Variants in CSMD1 observed in about 807,000 individuals in gnomAD.
CSMD1 encodes CUB and sushi domain-containing protein 1.
Under a neutral mutation model 417.5 loss-of-function variants are expected in CSMD1, and 213 were observed. The ratio of observed to expected loss-of-function variants is 0.51; its 90% CI spans 0.46 to 0.57. CSMD1 has a LOEUF of 0.57. Among genes scored for constraint, CSMD1 ranks in the 20% least tolerant of loss-of-function variants. CSMD1 has a pLI of 0.00. For missense variants in CSMD1, 6,923 were observed against 4,529.7 expected (o/e 1.53, Z -15.17); for synonymous variants, 2,862 against 1,736.8 (o/e 1.65, Z -16.11).
At chr8:4,795,059 G>C (rs1216576057) in intron 1 of CSMD1, among the ~76,000 whole-genome samples, 2 of 151,850 alleles carry the variant, frequency 1.3e-5, no homozygotes, top group African/African-American at 4.8e-5. Flanking sequence ...TTAAGTTTCT[G>C]CTGTCTTTAA....
intron 3 of CSMD1, among the ~76,000 whole-genome samples, chr8:4,058,951 A>G (rs969937128): frequency 6.6e-6 from 1 of 152,044 alleles, no homozygotes; most frequent in Non-Finnish European, 1.5e-5. Flanking sequence ...CCTAACAGAC[A>G]TCTACAGAAC....
intron 2 of CSMD1, among the ~76,000 whole-genome samples, chr8:4,564,817 T>C (rs1044090456): frequency 6.6e-6 from 1 of 152,256 alleles, no homozygotes; most frequent in African/African-American, 2.4e-5. Context: ...TTTAGCTTTT[T>C]CACTCACTGT....
chr8:3,721,162 G>C lies in CSMD1; in HGVS notation c.932-12671C>G, dbSNP rs150772484. Among the ~76,000 whole-genome samples the C allele has an allele frequency of 1.2e-3, 184 of 152,156 alleles. 1 individual carries two copies. Among genetic ancestry groups the C allele is most frequent in the Non-Finnish European group, 1.9e-3 (132 of 67,990 alleles). The stretch of plus-strand genomic sequence containing the variant: ...CATAATGGGAAGATCAGGTGGTCCT[G>C]AAACACCATTTTTTTTTCTCCAGCC... On this transcript the variant is annotated intron_variant, in intron 6 of 69. Transcript: ENST00000635120.
At chr8:3,089,412 G>C (rs1585319528) in intron 48 of CSMD1, among the ~76,000 whole-genome samples, 1 of 152,358 alleles carries the variant, frequency 6.6e-6, no homozygotes, top group South Asian at 2.1e-4. Flanking sequence ...GAATTGTCCA[G>C]AACCACTGTT....
At chr8:3,195,477 A>G (rs1179409645) in intron 33 of CSMD1, among the ~76,000 whole-genome samples, 1 of 152,236 alleles carries the variant, frequency 6.6e-6, no homozygotes, top group African/African-American at 2.4e-5. Flanking sequence ...ATCCTGGAAG[A>G]AGCAGACTGT....
chr8:4,192,634 T>A (rs1023016832), intron 3 of CSMD1, among the ~76,000 whole-genome samples: 5 of 152,214 alleles, frequency 3.3e-5, no homozygotes, highest in Admixed American at 2.0e-4. Flanking sequence ...AGAGGGCATA[T>A]TTGCTCAGGG....
intron 2 of CSMD1, among the ~76,000 whole-genome samples, chr8:4,422,374 T>C (rs568078990): frequency 6.6e-6 from 1 of 152,034 alleles, no homozygotes; most frequent in Non-Finnish European, 1.5e-5. Context: ...CCAACATAAC[T>C]AGATTTGGAA....
At chr8:4,426,348 T>A (rs1010673495) in intron 2 of CSMD1, among the ~76,000 whole-genome samples, 1 of 150,624 alleles carries the variant, frequency 6.6e-6, no homozygotes, top group Non-Finnish European at 1.5e-5. Context: ...TAGCATATAA[T>A]TTTGAAAATC....
chr8:3,465,320 G>C (rs1013650790), intron 12 of CSMD1, among the ~76,000 whole-genome samples: 3 of 152,286 alleles, frequency 2.0e-5, no homozygotes, highest in Admixed American at 6.5e-5. Context: ...CAGGCATCTT[G>C]AGGGGATGGA....
chr8:3,630,440 T>C (rs940728944), intron 7 of CSMD1, among the ~76,000 whole-genome samples: 1 of 152,128 alleles, frequency 6.6e-6, no homozygotes, highest in Admixed American at 6.5e-5. Flanking sequence ...CCACTGAAAC[T>C]TGAGAACAAG....
At chr8:3,382,351 T>C (rs907742287) in intron 18 of CSMD1, among the ~76,000 whole-genome samples, 4 of 146,528 alleles carry the variant, frequency 2.7e-5, no homozygotes, top group Non-Finnish European at 6.0e-5. Flanking sequence ...TATATATGTA[T>C]ATTTATTATT....
chr8:3,585,337 G>A (rs1287118353), intron 9 of CSMD1, among the ~76,000 whole-genome samples: 4 of 152,230 alleles, frequency 2.6e-5, no homozygotes, highest in East Asian at 1.9e-4. Context: ...GAAAGATAAG[G>A]TATTCTTACA....
intron 3 of CSMD1, among the ~76,000 whole-genome samples, chr8:4,051,710 G>C (rs1798432393): frequency 6.6e-6 from 1 of 152,058 alleles, no homozygotes; most frequent in African/African-American, 2.4e-5. Context: ...AAAATCAACA[G>C]AGAAGGCAAG....
intron 20 of CSMD1, among the ~76,000 whole-genome samples, chr8:3,361,028 G>A (rs1023173117): frequency 6.6e-6 from 1 of 152,038 alleles, no homozygotes; most frequent in East Asian, 1.9e-4. Context: ...TTTGCGTTTA[G>A]ATAAGCAATC....
At chr8:4,241,543 A>C (rs1802401627) in intron 3 of CSMD1, among the ~76,000 whole-genome samples, 1 of 152,184 alleles carries the variant, frequency 6.6e-6, no homozygotes, top group Non-Finnish European at 1.5e-5. Context: ...GCACCACTCT[A>C]TGTCCATGCT....
chr8:3,647,414 G>A (rs1211436356), intron 7 of CSMD1, among the ~76,000 whole-genome samples: 4 of 151,798 alleles, frequency 2.6e-5, no homozygotes, highest in Non-Finnish European at 5.9e-5. Flanking sequence ...AACACAAAGA[G>A]AAAAACAGCA....
intron 1 of CSMD1, among the ~76,000 whole-genome samples, chr8:4,842,561 G>C (rs757442274): frequency 6.6e-6 from 1 of 152,164 alleles, no homozygotes. Flanking sequence ...CACAACGTAG[G>C]AGCCATATTG....
chr8:4,172,058 A>G (rs1473036229), intron 3 of CSMD1, among the ~76,000 whole-genome samples: 3 of 152,194 alleles, frequency 2.0e-5, no homozygotes, highest in African/African-American at 4.8e-5. Flanking sequence ...CACGATGCTT[A>G]AAGTATCTCT....
rs1812458286 is a variant in CSMD1 at position 3,408,009 on chromosome 8, A to G, written c.1961T>C (p.Phe654Ser). ...CTGGGAAGGCACTTCATTGCCAGAAAAAGTACCCAGGACAGTTATGTCAGA... is the reference window on the plus strand; with the variant it reads ...CTGGGAAGGCACTTCATTGCCAGAAGAAGTACCCAGGACAGTTATGTCAGA... ...GISDITVLGTFSGNEVPSQLA... is the reference protein window; with the variant it reads ...GISDITVLGTSSGNEVPSQLA... Residue 654 changes from phenylalanine to serine, a missense_variant, in exon 14 of 70, where the codon TTT becomes TCT. Phe to Ser is a radical substitution (Grantham distance 155, BLOSUM62 -2). Transcript: ENST00000635120. 1 of 1,613,974 alleles carries G rather than the reference A, an allele frequency of 6.2e-7. No individual in the cohort carries two copies. Among genetic ancestry groups the G allele is most frequent in the Non-Finnish European group, 8.5e-7 (1 of 1,179,892 alleles).
Sources: gnomAD v4.1 joint callset for allele counts (sites outside exome capture counted in the v4.1 genomes callset) on GRCh38, gnomAD v4.1.1 for gene constraint, MANE v1.5 for transcripts, NCBI Gene and HGNC (gene_info 2026-07-23, HGNC 2026-07-21) for gene names.